Variants in CDKAL1 observed in about 807,000 individuals in gnomAD.
CDKAL1 encodes CDKAL1 threonylcarbamoyladenosine tRNA methylthiotransferase, also known as threonylcarbamoyladenosine tRNA methylthiotransferase.
Under a neutral mutation model 68.2 loss-of-function variants are expected in CDKAL1, and 32 were observed. The observed-to-expected ratio is 0.47, with a 90% CI of 0.35 to 0.63. CDKAL1 has a LOEUF of 0.63. Among genes scored for constraint, CDKAL1 ranks in the 30% least tolerant of loss-of-function variants. CDKAL1 has a pLI of 0.00. For missense variants in CDKAL1, 606 were observed against 696.7 expected (o/e 0.87, Z 1.47); for synonymous variants, 234 against 244.3 (o/e 0.96, Z 0.39).
chr6:21,081,200 C>A (rs1018497522), intron 12 of CDKAL1, among the ~76,000 whole-genome samples: 25 of 152,004 alleles, frequency 1.6e-4, no homozygotes, highest in African/African-American at 4.8e-4. Context: ...TTTGTAATTA[C>A]CAAAAGAGGA....
intron 6 of CDKAL1, among the ~76,000 whole-genome samples, chr6:20,746,641 C>T (rs921290918): frequency 3.9e-5 from 6 of 151,968 alleles, no homozygotes. Flanking sequence ...AATCAAACTT[C>T]GTTATGGTAA....
At chr6:20,874,011 T>C (rs922596886) in intron 9 of CDKAL1, among the ~76,000 whole-genome samples, 2 of 152,106 alleles carry the variant, frequency 1.3e-5, no homozygotes, top group Admixed American at 1.3e-4. Context: ...GGGGGAGCTG[T>C]GGGTTTAAAA....
At chr6:20,900,056 T>G (rs998601548) in intron 9 of CDKAL1, among the ~76,000 whole-genome samples, 1 of 152,204 alleles carries the variant, frequency 6.6e-6, no homozygotes, top group Non-Finnish European at 1.5e-5. Flanking sequence ...CTTACTATTG[T>G]AGGGAACCAT....
intron 6 of CDKAL1, among the ~76,000 whole-genome samples, chr6:20,747,932 C>T (rs1773730772): frequency 6.6e-6 from 1 of 151,990 alleles, no homozygotes; most frequent in Non-Finnish European, 1.5e-5. Flanking sequence ...GATCTTTTTC[C>T]CTATGTTTAA....
chr6:21,053,610 T>C (rs1276076588), intron 11 of CDKAL1, among the ~76,000 whole-genome samples: 1 of 152,212 alleles, frequency 6.6e-6, no homozygotes, highest in Non-Finnish European at 1.5e-5. Flanking sequence ...TCAGTTTCTC[T>C]ATATGCTTAC....
intron 13 of CDKAL1, among the ~76,000 whole-genome samples, chr6:21,167,553 A>G (rs917331415): frequency 1.2e-4 from 18 of 152,230 alleles, no homozygotes; most frequent in Non-Finnish European, 2.9e-5. Context: ...TCAAGAATAC[A>G]CACTCTCGTT....
intron 13 of CDKAL1, among the ~76,000 whole-genome samples, chr6:21,130,993 G>C (rs1318750610): frequency 6.6e-6 from 1 of 152,190 alleles, no homozygotes; most frequent in Admixed American, 6.5e-5. Flanking sequence ...CCCAGGATGG[G>C]ATTAAAAGGA....
chr6:20,971,083 G>A (rs532879802), intron 10 of CDKAL1, among the ~76,000 whole-genome samples: 5 of 152,254 alleles, frequency 3.3e-5, no homozygotes, highest in Admixed American at 1.3e-4. Flanking sequence ...TCCTGACCTC[G>A]TGATCTGCCT....
chr6:20,768,184 G>C (rs1317641375), intron 7 of CDKAL1, among the ~76,000 whole-genome samples: 1 of 152,172 alleles, frequency 6.6e-6, no homozygotes, highest in East Asian at 1.9e-4. Flanking sequence ...CCTTGATTGA[G>C]ACTATGAAGA....
At chr6:20,654,648 T>C (rs1209613993) in intron 5 of CDKAL1, among the ~76,000 whole-genome samples, 1 of 152,160 alleles carries the variant, frequency 6.6e-6, no homozygotes, top group Non-Finnish European at 1.5e-5. Flanking sequence ...TCAGAAGGGG[T>C]CCAATTTTAT....
intron 12 of CDKAL1, among the ~76,000 whole-genome samples, chr6:21,087,760 T>G (rs1772771517): frequency 6.6e-6 from 1 of 152,090 alleles, no homozygotes; most frequent in Admixed American, 6.5e-5. Context: ...TAAATGTATA[T>G]TTAATTATAT....
chr6:21,114,180 G>A (rs1362040101), intron 13 of CDKAL1, among the ~76,000 whole-genome samples: 2 of 149,854 alleles, frequency 1.3e-5, no homozygotes, highest in African/African-American at 4.9e-5. Context: ...CCTGGGAGGC[G>A]GAGCTTGCAG....
intron 8 of CDKAL1, among the ~76,000 whole-genome samples, chr6:20,824,532 T>C (rs1777419839): frequency 6.6e-6 from 1 of 152,182 alleles, no homozygotes; most frequent in African/African-American, 2.4e-5. Context: ...CCTCAGTCTC[T>C]TGTTGGCTGT....
chr6:21,148,517 T>C (rs1276744765), intron 13 of CDKAL1, among the ~76,000 whole-genome samples: 1 of 152,234 alleles, frequency 6.6e-6, no homozygotes, highest in Non-Finnish European at 1.5e-5. Context: ...TTCTCAGTGT[T>C]GTGTATATCC....
chr6:20,709,482 CT>C (rs1192449505), intron 5 of CDKAL1, among the ~76,000 whole-genome samples: 3 of 152,134 alleles, frequency 2.0e-5, no homozygotes, highest in Admixed American at 2.0e-4. Context: ...AACACTTCCA[CT>C]TCCAAGCATT....
At chr6:20,913,592 G>T (rs539449861) in intron 9 of CDKAL1, among the ~76,000 whole-genome samples, 1 of 152,206 alleles carries the variant, frequency 6.6e-6, no homozygotes, top group East Asian at 1.9e-4. Flanking sequence ...TGAGCACACC[G>T]CATGGGCAGG....
At chr6:20,643,287 A>G (rs999512326) in intron 4 of CDKAL1, among the ~76,000 whole-genome samples, 6 of 152,132 alleles carry the variant, frequency 3.9e-5, no homozygotes, top group Non-Finnish European at 7.3e-5. Flanking sequence ...ACCTGGCATG[A>G]ATGTTCTAAG....
At chr6:20,907,602 G>C (rs994355368) in intron 9 of CDKAL1, among the ~76,000 whole-genome samples, 1 of 152,202 alleles carries the variant, frequency 6.6e-6, no homozygotes, top group Non-Finnish European at 1.5e-5. Context: ...GCAGTTAAGG[G>C]TTAATCAAGG....
chr6:21,091,473 G>A (rs1213456894), intron 12 of CDKAL1, among the ~76,000 whole-genome samples: 5 of 152,178 alleles, frequency 3.3e-5, no homozygotes, highest in Non-Finnish European at 5.9e-5. Context: ...AAGAAGGATT[G>A]TTTAAAACTA....
Sources: allele counts gnomAD v4.1 joint callset (sites outside exome capture counted in the v4.1 genomes callset), GRCh38; gene constraint gnomAD v4.1.1; transcripts MANE v1.5; gene names NCBI Gene and HGNC (gene_info 2026-07-23, HGNC 2026-07-21).